EYS: variants seen among roughly 807,000 people sequenced by gnomAD.
EYS encodes EGF-like photoreceptor maintenance factor.
Under a neutral mutation model 282.1 loss-of-function variants are expected in EYS, and 250 were observed. The observed-to-expected ratio is 0.89, with a 90% CI of 0.80 to 0.98. EYS has a LOEUF of 0.98. Among genes scored for constraint, EYS ranks in the 50% least tolerant of loss-of-function variants. The probability of loss-of-function intolerance (pLI) is 0.00; values close to 1 mark genes in which losing one functional copy is unlikely to be tolerated. For missense variants in EYS, 4,016 were observed against 3,709.0 expected (o/e 1.08, Z -2.15); for synonymous variants, 1,355 against 1,282.9 (o/e 1.06, Z -1.20).
rs1193614775 is a variant in EYS, at chr6:64,775,560, A to G, written c.3443+37818T>C. 7.9e-5 allele frequency among the ~76,000 whole-genome samples: 12 copies of G among 152,078 alleles called. 1 individual carries two copies. ...TCTAAGAAAGAGATTATAGGAAAAA[A>G]TCAAACATTTCATGTTAATCCTCTT... On this transcript the variant is annotated intron_variant, in intron 22 of 42. Transcript: ENST00000503581.
intron 12 of EYS, among the ~76,000 whole-genome samples, chr6:65,146,689 C>T (rs1371628353): frequency 6.6e-6 from 1 of 151,944 alleles, no homozygotes; most frequent in East Asian, 1.9e-4. Flanking sequence ...AACAAATTTG[C>T]TTCAGGCAGA....
intron 26 of EYS, among the ~76,000 whole-genome samples, chr6:64,493,607 T>C (rs760696233): frequency 2.6e-5 from 4 of 151,622 alleles, no homozygotes; most frequent in Non-Finnish European, 5.9e-5. Flanking sequence ...CTCCTCCCTT[T>C]TGTAAAATGA....
At chr6:64,789,953 G>T (rs575327661) in intron 22 of EYS, among the ~76,000 whole-genome samples, 3 of 151,934 alleles carry the variant, frequency 2.0e-5, no homozygotes, top group Non-Finnish European at 4.4e-5. Context: ...TAACTAGTTT[G>T]TGGTGGGAAG....
intron 22 of EYS, among the ~76,000 whole-genome samples, chr6:64,724,403 T>G (rs1338428897): frequency 2.0e-5 from 3 of 152,210 alleles, no homozygotes; most frequent in South Asian, 2.1e-4. Flanking sequence ...ATGTAGATTT[T>G]TAATGTTAAG....
intron 32 of EYS, among the ~76,000 whole-genome samples, chr6:64,074,325 G>C (rs879314848): frequency 6.6e-6 from 1 of 150,814 alleles, no homozygotes; most frequent in Admixed American, 6.6e-5. Flanking sequence ...AAATATATAT[G>C]TATATATAAT....
At chr6:64,244,991 C>T (rs7452152) in intron 30 of EYS, among the ~76,000 whole-genome samples, 41,820 of 130,824 alleles carry the variant, frequency 0.32, 6,540 homozygotes, top group East Asian at 0.52. Context: ...CCCCACCCCA[C>T]GACAGGCCCG....
chr6:64,106,125 C>T (rs1279085249), intron 31 of EYS, among the ~76,000 whole-genome samples: 1 of 152,000 alleles, frequency 6.6e-6, no homozygotes, highest in Non-Finnish European at 1.5e-5. Flanking sequence ...TCCTTTGCTC[C>T]TATTTTTGTC....
intron 22 of EYS, among the ~76,000 whole-genome samples, chr6:64,725,311 A>T (rs56114908): frequency 0.04 from 6,074 of 152,154 alleles, 422 homozygotes; most frequent in African/African-American, 0.14. Context: ...TCATTCATTC[A>T]TTCCACTCAT....
intron 26 of EYS, among the ~76,000 whole-genome samples, chr6:64,502,119 T>A (rs1223895136): frequency 6.6e-6 from 1 of 152,192 alleles, no homozygotes; most frequent in Non-Finnish European, 1.5e-5. Flanking sequence ...TGTGTTTCTT[T>A]TATATTTGGG....
At position 64,000,168 on chromosome 6, in the gene EYS, C is replaced by CT. The variant is rs71551553; in HGVS notation, c.6726-986dup. Among the ~76,000 whole-genome samples the CT allele has an allele frequency of 4.6e-3, 196 of 42,706 alleles. 41 individuals are homozygous for CT. The highest frequency in any genetic ancestry group is 7.7e-3 in the East Asian group (9 of 1,170). The allele number at this position is 42,706 out of a possible 152,430, so 28.0% of individuals were successfully genotyped here. A position where few individuals can be genotyped will look rare whatever the true frequency, so the allele number is the denominator to read the frequency against. On this transcript the variant is annotated intron_variant, in intron 33 of 42. Coordinates refer to ENST00000503581, the MANE Select transcript of EYS (RefSeq NM_001142800.2). Reference sequence around the variant, plus strand: ...CTGAGGAGTTTCCCAAGACATGGGACTTTTTTTTTTTTTTTTTTTTTTTTT... The same window carrying CT: ...CTGAGGAGTTTCCCAAGACATGGGACTTTTTTTTTTTTTTTTTTTTTTTTTT...
intron 28 of EYS, among the ~76,000 whole-genome samples, chr6:64,420,606 G>T (rs894870851): frequency 6.6e-6 from 1 of 152,150 alleles, no homozygotes. Context: ...GGGCATCAAA[G>T]GCTGCATCAT....
chr6:63,999,040 A>G, intron 34 of EYS, 35 bp downstream of exon 34: 2 of 1,269,868 alleles, frequency 1.6e-6, no homozygotes, highest in South Asian at 2.6e-5. Flanking sequence ...CTGAGGGCAC[A>G]ATTAGTGTTT....
chr6:64,999,960 G>GTACA (rs1035386694), intron 13 of EYS, among the ~76,000 whole-genome samples: 3 of 152,234 alleles, frequency 2.0e-5, no homozygotes, highest in African/African-American at 7.2e-5. Context: ...GATTCTTCTG[G>GTACA]TACACCAAGG....
intron 28 of EYS, among the ~76,000 whole-genome samples, chr6:64,424,445 A>G (rs1363622169): frequency 6.6e-6 from 1 of 152,212 alleles, no homozygotes; most frequent in Admixed American, 6.5e-5. Flanking sequence ...CTCTGGAGAA[A>G]AAAATATTTG....
intron 41 of EYS, among the ~76,000 whole-genome samples, chr6:63,727,737 A>AAAAAAATATATATATATATAT (rs1554164607): frequency 5.4e-5 from 2 of 36,728 alleles, no homozygotes; most frequent in South Asian, 1.2e-3. Context: ...AAAAAAAAAA[A>AAAAAAATATATATATATATAT]ATATATATAT....
At chr6:63,842,133 G>C (rs567663203) in intron 36 of EYS, among the ~76,000 whole-genome samples, 1 of 152,280 alleles carries the variant, frequency 6.6e-6, no homozygotes, top group South Asian at 2.1e-4. Context: ...CCAGTAATAA[G>C]ATTGCTGGGT....
chr6:65,051,624 T>C (rs1049936828), intron 13 of EYS, among the ~76,000 whole-genome samples: 5 of 151,534 alleles, frequency 3.3e-5, no homozygotes, highest in Non-Finnish European at 7.4e-5. Context: ...AGTCATCATG[T>C]TGTACAGGGC....
At chr6:65,254,215 C>A (rs605729) in intron 12 of EYS, among the ~76,000 whole-genome samples, 2 of 151,788 alleles carry the variant, frequency 1.3e-5, no homozygotes, top group African/African-American at 2.4e-5. Context: ...CACCCACACA[C>A]CCTGATGTAT....
intron 33 of EYS, among the ~76,000 whole-genome samples, chr6:64,044,771 C>T (rs1582192869): frequency 6.6e-6 from 1 of 151,870 alleles, no homozygotes; most frequent in East Asian, 1.9e-4. Context: ...ATGGTGAGAA[C>T]ATATGATTTA....
Sources: allele counts gnomAD v4.1 joint callset (sites outside exome capture counted in the v4.1 genomes callset), GRCh38; gene constraint gnomAD v4.1.1; transcripts MANE v1.5; gene names NCBI Gene and HGNC (gene_info 2026-07-23, HGNC 2026-07-21).